Variants in PDE4D observed in about 807,000 individuals in gnomAD.
PDE4D encodes 3',5'-cyclic-AMP phosphodiesterase 4D.
In PDE4D, 24 loss-of-function variants were observed where a neutral mutation model predicts 87.4. The ratio of observed to expected loss-of-function variants is 0.27; its 90% CI spans 0.20 to 0.39. PDE4D has a LOEUF of 0.39. PDE4D is among the 10% of genes least tolerant of loss of function. PDE4D has a pLI of 1.00. For synonymous variants in PDE4D, 384 were observed against 383.2 expected (o/e 1.00, Z -0.02); for missense variants, 714 against 1,041.0 (o/e 0.69, Z 4.32).
intron 1 of PDE4D, among the ~76,000 whole-genome samples, chr5:59,447,594 T>C (rs1324940683): frequency 6.6e-6 from 1 of 152,210 alleles, no homozygotes; most frequent in African/African-American, 2.4e-5. Flanking sequence ...AGAAAAGGAA[T>C]AGTAATTCAT....
intron 2 of PDE4D, among the ~76,000 whole-genome samples, chr5:60,055,360 T>C (rs1770662641): frequency 6.6e-6 from 1 of 152,038 alleles, no homozygotes. Flanking sequence ...TCAATGTCTC[T>C]TAGGTGTGCA....
chr5:59,375,007 C>T (rs1337823248), intron 1 of PDE4D, among the ~76,000 whole-genome samples: 1 of 152,156 alleles, frequency 6.6e-6, no homozygotes, highest in East Asian at 1.9e-4. Flanking sequence ...ATACAACATA[C>T]CAGAACCTCT....
chr5:60,066,350 T>A (rs1772091576), intron 2 of PDE4D, among the ~76,000 whole-genome samples: 1 of 152,138 alleles, frequency 6.6e-6, no homozygotes, highest in African/African-American at 2.4e-5. Context: ...AATACTGTAT[T>A]TCCCTATACA....
At chr5:59,896,713 C>T (rs193046668), upstream of PDE4D, among the ~76,000 whole-genome samples, 20 of 152,330 alleles carry the variant, frequency 1.3e-4, no homozygotes, top group Non-Finnish European at 2.2e-4. Context: ...TTAGTTGACT[C>T]GCCCTTGTGT....
At chr5:59,732,024 G>A (rs140107520) in intron 1 of PDE4D, among the ~76,000 whole-genome samples, 113 of 152,280 alleles carry the variant, frequency 7.4e-4, no homozygotes, top group African/African-American at 2.6e-3. Flanking sequence ...AATGCTGACA[G>A]ACTAAACAAA....
intron 2 of PDE4D, among the ~76,000 whole-genome samples, chr5:59,203,263 G>A (rs1747950944): frequency 6.6e-6 from 1 of 151,028 alleles, no homozygotes; most frequent in African/African-American, 2.4e-5. Flanking sequence ...AATCTTAAGT[G>A]AAATGCAAAT....
intron 6 of PDE4D, among the ~76,000 whole-genome samples, chr5:59,014,984 C>T (rs1753676017): frequency 6.6e-6 from 1 of 152,196 alleles, no homozygotes. Flanking sequence ...CTACAACCAT[C>T]TGATCTTTGA....
chr5:60,192,343 T>A (rs1785263944), intron 1 of PDE4D, among the ~76,000 whole-genome samples: 1 of 152,194 alleles, frequency 6.6e-6, no homozygotes, highest in Admixed American at 6.5e-5. Flanking sequence ...TGATCAACTT[T>A]CCAAATGACA....
chr5:59,938,913 T>A (rs970891651), intron 3 of PDE4D, among the ~76,000 whole-genome samples: 1 of 152,210 alleles, frequency 6.6e-6, no homozygotes, highest in African/African-American at 2.4e-5. Context: ...TCCTCCTCAA[T>A]GCATGAGATG....
intron 3 of PDE4D, among the ~76,000 whole-genome samples, chr5:59,967,976 T>C (rs1044603447): frequency 0.01 from 90 of 8,836 alleles, no homozygotes; most frequent in South Asian, 0.028. Context: ...AGCCATATGC[T>C]TTTTTTTTTT....
At chr5:59,891,133 A>AGTT (rs1750893695) in intron 1 of PDE4D, among the ~76,000 whole-genome samples, 2 of 152,268 alleles carry the variant, frequency 1.3e-5, no homozygotes, top group African/African-American at 4.8e-5. Flanking sequence ...TATACATCTT[A>AGTT]GTTTGCCTGT....
intron 1 of PDE4D, among the ~76,000 whole-genome samples, chr5:59,583,881 C>T (rs571761861): frequency 1.7e-3 from 254 of 152,338 alleles, no homozygotes; most frequent in Middle Eastern, 3.4e-3. Flanking sequence ...CCAGCACATG[C>T]CAAGTCCCGC....
chr5:59,356,880 C>T (rs190270744), intron 1 of PDE4D: 21 of 1,521,934 alleles, frequency 1.4e-5, no homozygotes, highest in African/African-American at 4.3e-5. Context: ...CCAGGAACCA[C>T]GAGAAGTCAG....
chr5:59,393,160 T>A (rs1469597319), intron 1 of PDE4D, among the ~76,000 whole-genome samples: 4 of 152,012 alleles, frequency 2.6e-5, no homozygotes, highest in African/African-American at 2.4e-5. Flanking sequence ...TCAAAAGACC[T>A]ACATATGGAA....
intron 6 of PDE4D, among the ~76,000 whole-genome samples, chr5:59,011,420 A>G (rs1752782089): frequency 6.6e-6 from 1 of 152,230 alleles, no homozygotes; most frequent in Admixed American, 6.5e-5. Context: ...CAAATGGCTA[A>G]CTAGAATAAC....
intron 1 of PDE4D, among the ~76,000 whole-genome samples, chr5:59,539,809 A>AAC (rs528711528): frequency 2.0e-5 from 3 of 152,110 alleles, no homozygotes; most frequent in Admixed American, 2.0e-4. Flanking sequence ...ATTCTGCTAA[A>AAC]ACACACACAC....
At chr5:60,124,599 A>T (rs1185728581) in intron 2 of PDE4D, among the ~76,000 whole-genome samples, 1 of 152,126 alleles carries the variant, frequency 6.6e-6, no homozygotes, top group Admixed American at 6.6e-5. Flanking sequence ...TCTCTGTTGC[A>T]TCACTAATTT....
chr5:59,039,508 A>G (rs1043910148), intron 5 of PDE4D: 1 of 985,644 alleles, frequency 1.0e-6, no homozygotes, highest in Admixed American at 6.1e-5. Context: ...GTGCGCGGCC[A>G]CCACGTTTCC....
At chr5:59,250,390 G>C (rs746382515) in intron 1 of PDE4D, among the ~76,000 whole-genome samples, 3 of 151,242 alleles carry the variant, frequency 2.0e-5, no homozygotes, top group Admixed American at 6.6e-5. Context: ...CTACTCATGA[G>C]GTTGAGGTGG....
Sources: gnomAD v4.1 joint callset for allele counts (sites outside exome capture counted in the v4.1 genomes callset) on GRCh38, gnomAD v4.1.1 for gene constraint, MANE v1.5 for transcripts, NCBI Gene and HGNC (gene_info 2026-07-23, HGNC 2026-07-21) for gene names.